Variants in CALD1 observed in about 807,000 individuals in gnomAD.
The protein encoded by CALD1 is caldesmon 1, also known as caldesmon.
In CALD1, 33 loss-of-function variants were observed where a neutral mutation model predicts 99.9. That is an observed-to-expected ratio of 0.33 (90% CI 0.25 to 0.44). The LOEUF is 0.44. Ranked by LOEUF, CALD1 falls within the 20% of genes least tolerant of loss-of-function variation. CALD1 has a pLI of 1.00. For missense variants in CALD1, 861 were observed against 962.1 expected (o/e 0.89, Z 1.39); for synonymous variants, 310 against 325.0 (o/e 0.95, Z 0.50).
At chr7:134,915,289 T>G (rs1438570105) in intron 3 of CALD1, among the ~76,000 whole-genome samples, 1 of 152,230 alleles carries the variant, frequency 6.6e-6, no homozygotes, top group Admixed American at 6.5e-5. Flanking sequence ...AGGTTCCACG[T>G]GGATCAGTCA....
intron 2 of CALD1, among the ~76,000 whole-genome samples, chr7:134,848,201 T>C (rs1799932711): frequency 6.6e-6 from 1 of 152,154 alleles, no homozygotes; most frequent in African/African-American, 2.4e-5. Flanking sequence ...AGACGTTTCC[T>C]AGAGGAAAAG....
At position 134,965,338 on chromosome 7, in the gene CALD1, G is replaced by C; in HGVS notation, c.2328G>C (p.Arg776=). ...GACCAGGAGACGTATCCAGCAAGCG[G>C]AACCTCTGGGAAAAGCAATCTGTGG... ...DLRPGDVSSK[R]NLWEKQSVDK... The change falls in exon 14 of 15, where the codon CGG becomes CGC. Residue 776 remains arginine, a synonymous_variant. Coordinates refer to ENST00000361675, the MANE Select transcript of CALD1 (RefSeq NM_033138.4). 6.3e-7 allele frequency: 1 copy of C among 1,596,208 alleles called. No individual in the cohort carries two copies. Among genetic ancestry groups the C allele is most frequent in the Non-Finnish European group, 8.6e-7 (1 of 1,163,750 alleles).
At chr7:134,911,302 C>T (rs974462823) in intron 3 of CALD1, among the ~76,000 whole-genome samples, 4 of 150,410 alleles carry the variant, frequency 2.7e-5, no homozygotes, top group Non-Finnish European at 4.4e-5. Context: ...GCAGGTGTAG[C>T]CAGGTATTCC....
intron 11 of CALD1, 69 bp from the exon 12 acceptor site, chr7:134,959,905 C>A (rs1808119978): frequency 4.0e-6 from 6 of 1,513,614 alleles, no homozygotes; most frequent in Admixed American, 3.9e-5. Flanking sequence ...TTGAGGAAGA[C>A]AAACTCACTA....
At chr7:134,848,938 A>G (rs1028017367) in intron 2 of CALD1, among the ~76,000 whole-genome samples, 3 of 152,180 alleles carry the variant, frequency 2.0e-5, no homozygotes, top group African/African-American at 7.2e-5. Flanking sequence ...CATTCTACAG[A>G]TATCACTGGA....
intron 1 of CALD1, among the ~76,000 whole-genome samples, chr7:134,819,789 A>T (rs796069370): frequency 6.6e-5 from 10 of 152,290 alleles, no homozygotes; most frequent in African/African-American, 2.4e-4. Flanking sequence ...GGCAGGAGGA[A>T]TGCTTGAGCC....
intron 1 of CALD1, among the ~76,000 whole-genome samples, chr7:134,746,315 A>G (rs144742673): frequency 6.6e-6 from 1 of 152,324 alleles, no homozygotes; most frequent in East Asian, 1.9e-4. Context: ...ACTGTCTGTA[A>G]TCCAGAAAGC....
intron 3 of CALD1, among the ~76,000 whole-genome samples, chr7:134,891,069 T>C (rs1414290444): frequency 1.3e-5 from 2 of 152,200 alleles, no homozygotes; most frequent in Non-Finnish European, 2.9e-5. Flanking sequence ...CCGGATGAAC[T>C]TTTTGGTGGG....
chr7:134,898,604 C>G (rs1802748981), intron 3 of CALD1, among the ~76,000 whole-genome samples: 1 of 151,790 alleles, frequency 6.6e-6, no homozygotes, highest in South Asian at 2.1e-4. Context: ...GATGGAGCCT[C>G]ACTCTATTGC....
intron 9 of CALD1, among the ~76,000 whole-genome samples, chr7:134,952,724 C>T (rs1807452157): frequency 6.6e-6 from 1 of 152,154 alleles, no homozygotes; most frequent in African/African-American, 2.4e-5. Flanking sequence ...CCACCTTGGT[C>T]TCCCAAAGTG....
intron 4 of CALD1, among the ~76,000 whole-genome samples, chr7:134,931,562 G>A (rs777083190): frequency 5.9e-5 from 9 of 152,108 alleles, no homozygotes; most frequent in Admixed American, 2.6e-4. Context: ...GAATTTGAAC[G>A]TTGAAAGGGC....
upstream of CALD1, among the ~76,000 whole-genome samples, chr7:134,743,591 G>T (rs1479792169): frequency 6.6e-6 from 1 of 152,166 alleles, no homozygotes; most frequent in Non-Finnish European, 1.5e-5. Context: ...GATGTTCTCT[G>T]TGCAATGACT....
chr7:134,837,680 C>A (rs1281351522), intron 1 of CALD1, among the ~76,000 whole-genome samples: 1 of 152,098 alleles, frequency 6.6e-6, no homozygotes, highest in African/African-American at 2.4e-5. Context: ...ATGATATATG[C>A]CAGAGAACAT....
In CALD1 at chr7:134,960,038, T is replaced by C; in HGVS notation, c.2126T>C (p.Val709Ala). 1.2e-6 allele frequency: 2 copies of C among 1,614,142 alleles called. No homozygotes were observed. The highest frequency in any genetic ancestry group is 1.7e-6 in the Non-Finnish European group (2 of 1,179,992). Residue 709 changes from valine (V) to alanine (A), a missense_variant, in exon 12 of 15, where the codon GTA becomes GCA. By Grantham distance (64) the Val-to-Ala change is moderately conservative. Around this residue, in one of 5 missense-constraint regions of CALD1, gnomAD observed 190 missense variants for 249.0 expected, o/e 0.76. Coordinates refer to ENST00000361675, the MANE Select transcript of CALD1 (RefSeq NM_033138.4). ...ASDLPVPAEG[V>A]RNIKSMWEKG... is the part of the protein sequence containing the mutation. ...GATCTTCCTGTTCCTGCTGAAGGTG[T>C]ACGCAACATCAAGAGTATGTGGGAG...
chr7:134,870,467 G>A (rs978859055), intron 3 of CALD1, among the ~76,000 whole-genome samples: 1 of 152,182 alleles, frequency 6.6e-6, no homozygotes, highest in Non-Finnish European at 1.5e-5. Context: ...GCACGGCTAC[G>A]TGGTTCGTTC....
chr7:134,727,210 A>T, the CALD1 span, among the ~76,000 whole-genome samples: 3 of 152,220 alleles, frequency 2.0e-5, no homozygotes, highest in African/African-American at 7.2e-5. Context: ...AGGAAAACTA[A>T]TAACAATAGT....
At chr7:134,750,252 C>T (rs1232010324) in intron 1 of CALD1, among the ~76,000 whole-genome samples, 1 of 85,136 alleles carries the variant, frequency 1.2e-5, no homozygotes, top group Non-Finnish European at 2.3e-5. Context: ...TCCATCCAGG[C>T]TTGTGGTCTC....
chr7:134,922,363 T>C (rs1804680385), intron 3 of CALD1, among the ~76,000 whole-genome samples: 1 of 152,218 alleles, frequency 6.6e-6, no homozygotes, highest in African/African-American at 2.4e-5. Context: ...GTCTTGTTAA[T>C]AAAATACTAT....
At chr7:134,814,191 C>T (rs9641996) in intron 1 of CALD1, among the ~76,000 whole-genome samples, 27,235 of 152,026 alleles carry the variant, frequency 0.18, 2,584 homozygotes, top group East Asian at 0.27. Flanking sequence ...CTCTGTGATA[C>T]AAAGGGTATG....
Sources: gnomAD v4.1 joint callset for allele counts (sites outside exome capture counted in the v4.1 genomes callset) on GRCh38, gnomAD v4.1.1 for gene constraint, gnomAD v4.1.1 regional missense constraint, MANE v1.5 for transcripts, NCBI Gene and HGNC (gene_info 2026-07-23, HGNC 2026-07-21) for gene names.